The following PRH1 variants were observed in gnomAD, a reference collection of about 807,000 sequenced individuals.
The protein encoded by PRH1 is salivary acidic proline-rich phosphoprotein 1/2.
A neutral mutation model predicts 7.9 loss-of-function variants in PRH1; 7 were observed. The observed-to-expected ratio is 0.89, with a 90% CI of 0.50 to 1.67. The LOEUF (loss-of-function observed/expected upper bound fraction) is 1.67. PRH1 is among the 40% of genes most tolerant of loss of function. The pLI, the probability that PRH1 is intolerant of heterozygous loss-of-function variation, is 0.00. For synonymous variants in PRH1, 45 were observed against 80.8 expected (o/e 0.56, Z 2.38); for missense variants, 109 against 223.6 (o/e 0.49, Z 3.27).
At chr12:11,063,000 C>T (rs1943676884) in intron 1 of PRH1, among the ~76,000 whole-genome samples, 1 of 151,790 alleles carries the variant, frequency 6.6e-6, no homozygotes, top group African/African-American at 2.4e-5. Context: ...TCATCAGTTC[C>T]AAAATAAAAA....
At chr12:11,086,111 C>T (rs555270360) in intron 1 of PRH1, among the ~76,000 whole-genome samples, 3 of 27,506 alleles carry the variant, frequency 1.1e-4, no homozygotes, top group African/African-American at 1.9e-4. Context: ...CATTCCCCCC[C>T]CCACACACAC....
Position 10,953,764 on chromosome 12 carries a change from C to T in PRH1, c.-59+19891G>A, listed in dbSNP as rs910316318. Among the ~76,000 whole-genome samples, 5 of 151,836 alleles carry T rather than the reference C, an allele frequency of 3.3e-5. No individual in the cohort carries two copies. In the East Asian group the frequency reaches 5.8e-4, roughly 18 times the overall value. On this transcript the variant is annotated intron_variant, in intron 2 of 3. Transcript: ENST00000539853. ...TTCAAATTCAGGAAATGCAGAGAACCCCTACGAAATACTACACAAGAAGAA... is the reference window on the plus strand; with the variant it reads ...TTCAAATTCAGGAAATGCAGAGAACTCCTACGAAATACTACACAAGAAGAA...
chr12:10,999,758 T>A (rs1057387276), intron 1 of PRH1, among the ~76,000 whole-genome samples: 3 of 152,116 alleles, frequency 2.0e-5, no homozygotes, highest in African/African-American at 7.2e-5. Context: ...CCAGCTAGGT[T>A]CACAACCCTA....
chr12:10,951,729 T>C (rs114999666), intron 2 of PRH1, among the ~76,000 whole-genome samples: 3,007 of 152,322 alleles, frequency 0.02, 33 homozygotes, highest in South Asian at 0.031. Context: ...TTTGTAAATA[T>C]TCCTTGAGCA....
chr12:11,070,848 T>TTTTA (rs1944033970), intron 1 of PRH1, among the ~76,000 whole-genome samples: 1 of 151,958 alleles, frequency 6.6e-6, no homozygotes, highest in African/African-American at 2.4e-5. Context: ...GTTGGCTTTT[T>TTTTA]CAGAGAGACA....
intron 1 of PRH1, chr12:11,092,356 T>A (rs1944952310): frequency 1.9e-6 from 1 of 519,750 alleles, no homozygotes; most frequent in African/African-American, 2.1e-5. Flanking sequence ...GTGTTGCTGC[T>A]CTTAAAGATG....
At chr12:11,081,316 T>C (rs1261662090) in intron 1 of PRH1, among the ~76,000 whole-genome samples, 1 of 117,642 alleles carries the variant, frequency 8.5e-6, no homozygotes, top group East Asian at 2.1e-4. Context: ...CTTATTCTTT[T>C]AGTGTTCAGA....
At chr12:11,089,608 G>T (rs948090022) in intron 1 of PRH1, among the ~76,000 whole-genome samples, 11,247 of 71,874 alleles carry the variant, frequency 0.16, 522 homozygotes, top group Non-Finnish European at 0.22. Context: ...ATAAATGTTA[G>T]CACTTTAATA....
At chr12:10,919,031 C>T (rs1950011011) in intron 2 of PRH1, among the ~76,000 whole-genome samples, 1 of 152,100 alleles carries the variant, frequency 6.6e-6, no homozygotes, top group Non-Finnish European at 1.5e-5. Context: ...CATGTTTAAA[C>T]ATGTCTTCCC....
chr12:11,066,229 C>T (rs552393629), intron 1 of PRH1, among the ~76,000 whole-genome samples: 2 of 152,252 alleles, frequency 1.3e-5, no homozygotes, highest in South Asian at 2.1e-4. Flanking sequence ...CTATAACTTT[C>T]GAACTCCACC....
intron 1 of PRH1, among the ~76,000 whole-genome samples, chr12:11,011,883 T>G (rs7304936): frequency 0.3 from 46,332 of 152,036 alleles, 8,930 homozygotes; most frequent in East Asian, 0.74. Flanking sequence ...GGAGGAATTA[T>G]TGTCCTGTAA....
At chr12:10,918,038 C>T (rs1179841737) in intron 2 of PRH1, among the ~76,000 whole-genome samples, 2 of 152,130 alleles carry the variant, frequency 1.3e-5, no homozygotes, top group African/African-American at 4.8e-5. Flanking sequence ...TATTATGCAG[C>T]CTTAAAAAGG....
In PRH1 at chr12:10,997,572, G is replaced by A. The variant is rs778785045; in HGVS notation, c.-125-23851C>T. The A allele has an allele frequency of 7.4e-6, 12 of 1,614,058 alleles. No homozygotes were observed. The highest frequency in any genetic ancestry group is 1.7e-5 in the Admixed American group (1 of 59,994). On this transcript the variant is annotated intron_variant, in intron 1 of 3. Transcript: ENST00000539853. The stretch of plus-strand genomic sequence containing the variant: ...ATCTTGAGCAAATAAAATATGCTGA[G>A]GCTAGTAGCAAGCCAGATGCTGAAA...
At chr12:11,165,645 A>G (rs1947551603) in intron 1 of PRH1, among the ~76,000 whole-genome samples, 1 of 78,210 alleles carries the variant, frequency 1.3e-5, no homozygotes, top group African/African-American at 3.4e-5. Flanking sequence ...GTGTATACAT[A>G]TTTACAGTAA....
At chr12:11,104,059 T>C (rs916716934) in intron 1 of PRH1, among the ~76,000 whole-genome samples, 6 of 151,994 alleles carry the variant, frequency 3.9e-5, no homozygotes, top group African/African-American at 1.2e-4. Context: ...CCCATCCAAC[T>C]TCATTGAGTG....
At chr12:11,163,428 G>T (rs1034169345) in intron 1 of PRH1, among the ~76,000 whole-genome samples, 8 of 152,002 alleles carry the variant, frequency 5.3e-5, no homozygotes, top group Admixed American at 5.2e-4. Context: ...TGTTTCAAAT[G>T]ATCCTACAAC....
chr12:10,899,619 CCTT>C (rs1949696989), intron 2 of PRH1, among the ~76,000 whole-genome samples: 3 of 152,168 alleles, frequency 2.0e-5, no homozygotes, highest in Non-Finnish European at 4.4e-5. Context: ...TCTGCTTTGA[CCTT>C]CTCCACCATG....
chr12:11,022,062 A>G, intron 1 of PRH1: 3 of 1,613,948 alleles, frequency 1.9e-6, no homozygotes, highest in South Asian at 1.1e-5. Context: ...GGTGTATTGC[A>G]TTCCTCAATT....
At chr12:10,932,648 G>A (rs1289558133) in intron 2 of PRH1, among the ~76,000 whole-genome samples, 1 of 152,098 alleles carries the variant, frequency 6.6e-6, no homozygotes, top group Admixed American at 6.5e-5. Context: ...AACTTATTTT[G>A]TTTTCTAGGA....
Sources: gnomAD v4.1 joint callset for allele counts (sites outside exome capture counted in the v4.1 genomes callset) on GRCh38, gnomAD v4.1.1 for gene constraint, MANE v1.5 for transcripts, NCBI Gene and HGNC (gene_info 2026-07-23, HGNC 2026-07-21) for gene names.